MYOM1: variants seen among roughly 807,000 people sequenced by gnomAD.
The protein encoded by MYOM1 is myomesin 1, also known as myomesin-1.
A neutral mutation model predicts 205.3 loss-of-function variants in MYOM1; 164 were observed. The observed-to-expected ratio is 0.80, with a 90% CI of 0.70 to 0.91. The LOEUF (loss-of-function observed/expected upper bound fraction) is 0.91, where lower values mean the gene tolerates loss of function less well. Ranked by LOEUF, MYOM1 falls within the 40% of genes least tolerant of loss-of-function variation. The pLI, the probability that MYOM1 is intolerant of heterozygous loss-of-function variation, is 0.00. For missense variants in MYOM1, 2,011 were observed against 2,127.3 expected (o/e 0.95, Z 1.08); for synonymous variants, 772 against 789.4 (o/e 0.98, Z 0.37).
chr18:3,185,859 CA>C (rs1221603104), intron 5 of MYOM1, among the ~76,000 whole-genome samples: 1 of 152,086 alleles, frequency 6.6e-6, no homozygotes, highest in African/African-American at 2.4e-5. Context: ...TCATCAAAGA[CA>C]GATTAAGATT....
At chr18:3,201,038 G>A (rs1456046771) in intron 2 of MYOM1, among the ~76,000 whole-genome samples, 1 of 152,110 alleles carries the variant, frequency 6.6e-6, no homozygotes, top group African/African-American at 2.4e-5. Context: ...GTTAATGGTA[G>A]ACTTCTCATC....
At chr18:3,139,921 T>C (rs560333039) in intron 14 of MYOM1, among the ~76,000 whole-genome samples, 1 of 152,352 alleles carries the variant, frequency 6.6e-6, no homozygotes, top group African/African-American at 2.4e-5. Flanking sequence ...TTGACTCATC[T>C]GCAGAAAACG....
rs537350351 is a variant in MYOM1, at chr18:3,119,806, G to A, written c.3118+63C>T. The stretch of plus-strand genomic sequence containing the variant: ...ATATAGTACTTTGAATTTCATTCCA[G>A]GTTGTAGGTTCTCTTGGAGGAAATT... On this transcript the variant is annotated intron_variant, in intron 20 of 37. Coordinates refer to ENST00000356443, the MANE Select transcript of MYOM1 (RefSeq NM_003803.4). The A allele has an allele frequency of 1.9e-5, 30 of 1,550,280 alleles. No individual in the cohort carries two copies. In the African/African-American group the frequency reaches 3.6e-4, roughly 18 times the overall value.
At chr18:3,097,287 TC>T (rs2079317910) in intron 25 of MYOM1, among the ~76,000 whole-genome samples, 1 of 152,216 alleles carries the variant, frequency 6.6e-6, no homozygotes, top group South Asian at 2.1e-4. Flanking sequence ...CCTTGTGACC[TC>T]ATTGGTCTGA....
intron 22 of MYOM1, among the ~76,000 whole-genome samples, chr18:3,109,950 C>G (rs1567909840): frequency 6.6e-6 from 1 of 152,116 alleles, no homozygotes; most frequent in Non-Finnish European, 1.5e-5. Context: ...CCCAGAACTC[C>G]TGGTATCCTA....
At chr18:3,107,788 A>C (rs2079471170) in intron 22 of MYOM1, among the ~76,000 whole-genome samples, 1 of 152,236 alleles carries the variant, frequency 6.6e-6, no homozygotes, top group Non-Finnish European at 1.5e-5. Context: ...ATTCCTGAGC[A>C]CAGGCTAAGC....
chr18:3,227,180 G>GTTTT, the MYOM1 span, among the ~76,000 whole-genome samples: 12 of 150,020 alleles, frequency 8.0e-5, no homozygotes, highest in African/African-American at 2.4e-4. Context: ...TCTTTCTTTT[G>GTTTT]TTTTTTTTTA....
At chr18:3,133,042 TC>T (rs1396312793) in intron 16 of MYOM1, among the ~76,000 whole-genome samples, 1 of 151,930 alleles carries the variant, frequency 6.6e-6, no homozygotes, top group African/African-American at 2.4e-5. Flanking sequence ...GTCTCGGTGT[TC>T]CAGACACTGA....
chr18:3,089,503 A>C, intron 28 of MYOM1, 34 bp downstream of exon 28: 1 of 1,540,390 alleles, frequency 6.5e-7, no homozygotes, highest in Non-Finnish European at 8.8e-7. Context: ...CAAAAAAATT[A>C]AAAATTTTCT....
At chr18:3,244,689 G>C in the MYOM1 span, among the ~76,000 whole-genome samples, 1 of 151,118 alleles carries the variant, frequency 6.6e-6, no homozygotes, top group African/African-American at 2.4e-5. Flanking sequence ...TCAGGAGTTG[G>C]CAACCAGCCT....
Position 3,173,935 on chromosome 18 carries a change from T to TA in MYOM1, c.1174+2dup, listed in dbSNP as rs2080596420. 2 of 1,613,064 alleles carry TA rather than the reference T, an allele frequency of 1.2e-6. No individual in the cohort carries two copies. The highest frequency in any genetic ancestry group is 1.7e-6 in the Non-Finnish European group (2 of 1,179,056). On this transcript the variant is annotated splice_region_variant and intron_variant, in intron 8 of 37. Coordinates refer to ENST00000356443, the MANE Select transcript of MYOM1 (RefSeq NM_003803.4). ...CACTTAGTAAATGTGTTTTTAAACTTACAGCTGAGGGGCATGGTGGAAGCC... is the reference window on the plus strand; with the variant it reads ...CACTTAGTAAATGTGTTTTTAAACTTAACAGCTGAGGGGCATGGTGGAAGCC...
At chr18:3,193,749 T>C (rs1191711964) in intron 3 of MYOM1, 69 bp downstream of exon 3, 2 of 1,444,516 alleles carry the variant, frequency 1.4e-6, no homozygotes, top group Admixed American at 2.1e-5. Flanking sequence ...ATGACTATAA[T>C]CTGCCATTCC....
At chr18:3,215,989 C>T (rs114834071) in intron 1 of MYOM1, among the ~76,000 whole-genome samples, 1,689 of 152,182 alleles carry the variant, frequency 0.011, 33 homozygotes, top group African/African-American at 0.038. Flanking sequence ...GTAGTGAGGC[C>T]GGGCACAGTG....
At chr18:3,118,810 A>G (rs1465083804) in intron 20 of MYOM1, among the ~76,000 whole-genome samples, 1 of 152,184 alleles carries the variant, frequency 6.6e-6, no homozygotes, top group Non-Finnish European at 1.5e-5. Context: ...AACTGCAAGG[A>G]AAGAGCAATG....
Position 3,090,780 on chromosome 18 carries a change from C to A in MYOM1, c.3887G>T (p.Arg1296Leu). The A allele has an allele frequency of 6.2e-7, 1 of 1,613,756 alleles. No individual in the cohort carries two copies. The change falls in exon 27 of 38, where the codon CGA becomes CTA. Residue 1296 changes from arginine to leucine, a missense_variant. Arg to Leu is a moderately radical substitution (Grantham distance 102). Coordinates refer to ENST00000356443, the MANE Select transcript of MYOM1 (RefSeq NM_003803.4). The stretch of plus-strand genomic sequence containing the variant: ...GAACATTTCGATGATGCCAGTGTTT[C>A]GGTCAATATGCATTTTATATTTCTT... ...EGPKYKMHIDRNTGIIEMFME... is the reference protein window; with the variant it reads ...EGPKYKMHIDLNTGIIEMFME...
At chr18:3,134,553 T>C (rs2079924561) in intron 16 of MYOM1, 97 bp downstream of exon 16, 2 of 1,352,806 alleles carry the variant, frequency 1.5e-6, no homozygotes. Flanking sequence ...AAAGTAAAAT[T>C]TTTTAAAAAA....
chr18:3,245,029 C>G, the MYOM1 span, among the ~76,000 whole-genome samples: 1 of 151,866 alleles, frequency 6.6e-6, no homozygotes, highest in African/African-American at 2.4e-5. Context: ...GACTGACTAT[C>G]TGCAAGTCAG....
At chr18:3,118,023 G>A (rs2079630918) in intron 20 of MYOM1, among the ~76,000 whole-genome samples, 1 of 152,024 alleles carries the variant, frequency 6.6e-6, no homozygotes, top group Non-Finnish European at 1.5e-5. Flanking sequence ...TACAGATGAG[G>A]AACTATGCTC....
chr18:3,093,903 G>C (rs889938466), intron 26 of MYOM1, among the ~76,000 whole-genome samples: 2 of 152,098 alleles, frequency 1.3e-5, no homozygotes, highest in African/African-American at 4.8e-5. Context: ...TATTTTCATG[G>C]GGATCATACA....
Sources: allele counts gnomAD v4.1 joint callset (sites outside exome capture counted in the v4.1 genomes callset), GRCh38; gene constraint gnomAD v4.1.1; transcripts MANE v1.5; gene names NCBI Gene and HGNC (gene_info 2026-07-23, HGNC 2026-07-21).